Variants in DPP6 observed in about 807,000 individuals in gnomAD.
The protein encoded by DPP6 is dipeptidyl peptidase like 6.
A neutral mutation model predicts 122.6 loss-of-function variants in DPP6; 69 were observed. The ratio of observed to expected loss-of-function variants is 0.56; its 90% CI spans 0.46 to 0.69. The LOEUF (loss-of-function observed/expected upper bound fraction) is 0.69. DPP6 is among the 30% of genes least tolerant of loss of function. The pLI is 0.00. For synonymous variants in DPP6, 418 were observed against 433.1 expected (o/e 0.97, Z 0.43); for missense variants, 928 against 1,116.9 (o/e 0.83, Z 2.41).
intron 1 of DPP6, among the ~76,000 whole-genome samples, chr7:154,427,383 T>G (rs1185261709): frequency 2.6e-5 from 4 of 152,244 alleles, no homozygotes; most frequent in Non-Finnish European, 4.4e-5. Context: ...TGTATTCTCT[T>G]TATTCTGTAG....
intron 17 of DPP6, among the ~76,000 whole-genome samples, chr7:154,865,922 AG>A (rs1803835648): frequency 6.6e-6 from 1 of 152,226 alleles, no homozygotes. Context: ...ACCCAAAACT[AG>A]TGCATTTCGT....
chr7:154,873,874 G>A (rs73487826), intron 19 of DPP6, among the ~76,000 whole-genome samples: 2,215 of 120,086 alleles, frequency 0.018, 41 homozygotes, highest in African/African-American at 0.073. Context: ...ACACCCACAG[G>A]CACACACATG....
At chr7:154,458,227 A>G (rs1224372788) in intron 2 of DPP6, among the ~76,000 whole-genome samples, 3 of 152,132 alleles carry the variant, frequency 2.0e-5, no homozygotes, top group Admixed American at 6.5e-5. Context: ...TAATTGAATC[A>G]TGGGGGTGGG....
At chr7:154,434,705 ACT>A (rs1442954448) in intron 1 of DPP6, among the ~76,000 whole-genome samples, 2 of 151,692 alleles carry the variant, frequency 1.3e-5, no homozygotes, top group African/African-American at 4.9e-5. Context: ...TGAATTAATG[ACT>A]CTCTAGACAG....
chr7:154,219,773 G>A (rs749970010), intron 1 of DPP6, among the ~76,000 whole-genome samples: 9 of 152,058 alleles, frequency 5.9e-5, no homozygotes, highest in Non-Finnish European at 1.3e-4. Context: ...TTTTAGTAGA[G>A]ACATGGTTTC....
At chr7:153,793,558 G>A in the DPP6 span, among the ~76,000 whole-genome samples, 4 of 151,408 alleles carry the variant, frequency 2.6e-5, no homozygotes, top group Admixed American at 2.0e-4. Flanking sequence ...TTTGCAGCCC[G>A]ACAATGTGAT....
At chr7:154,267,651 C>T (rs1012435839) in intron 1 of DPP6, among the ~76,000 whole-genome samples, 1 of 150,298 alleles carries the variant, frequency 6.7e-6, no homozygotes, top group Non-Finnish European at 1.5e-5. Flanking sequence ...CACATATATG[C>T]ACACATACAT....
In DPP6 at chr7:154,329,964, C is replaced by A; in HGVS notation, c.244-116250C>A. Among the ~76,000 whole-genome samples the A allele has an allele frequency of 1.3e-5, 2 of 151,902 alleles. 1 individual carries two copies. The highest frequency in any genetic ancestry group is 4.2e-4 in the South Asian group (2 of 4,766). ...AACACTGCATGTTCTCACTCACAAGCGGGAGTTGAACAATGAGAACACATG... is the reference window on the plus strand; with the variant it reads ...AACACTGCATGTTCTCACTCACAAGAGGGAGTTGAACAATGAGAACACATG... On this transcript the variant is annotated intron_variant, in intron 1 of 25. Coordinates refer to ENST00000377770, the MANE Select transcript of DPP6 (RefSeq NM_130797.4).
At chr7:154,089,190 G>GT (rs1287073490) in intron 1 of DPP6, among the ~76,000 whole-genome samples, 1 of 152,104 alleles carries the variant, frequency 6.6e-6, no homozygotes, top group Non-Finnish European at 1.5e-5. Context: ...TAAAGAGAAG[G>GT]TTTTAGCTCA....
chr7:154,862,485 C>T (rs877471), intron 17 of DPP6, among the ~76,000 whole-genome samples: 14,535 of 152,314 alleles, frequency 0.095, 1,202 homozygotes, highest in East Asian at 0.47. Context: ...GGTGGGCAAG[C>T]TGGCATTTGG....
At chr7:154,102,204 A>C (rs1162532239) in intron 1 of DPP6, among the ~76,000 whole-genome samples, 4 of 151,458 alleles carry the variant, frequency 2.6e-5, no homozygotes, top group Non-Finnish European at 4.4e-5. Flanking sequence ...TTTTCTTTTG[A>C]GACAGAGTTC....
rs893990678 is a variant in DPP6 at position 154,883,520 on chromosome 7, A to G, written c.2134-2113A>G. ...CTCAGACACATGCTCACCCATACACATGCTCACACACGCTCACACATTCAC... is the reference window on the plus strand; with the variant it reads ...CTCAGACACATGCTCACCCATACACGTGCTCACACACGCTCACACATTCAC... On this transcript the variant is annotated intron_variant, in intron 21 of 25. Coordinates refer to ENST00000377770, the MANE Select transcript of DPP6 (RefSeq NM_130797.4). The G allele has an allele frequency of 1.6e-5, 2 of 127,528 alleles. 1 individual carries two copies. Among genetic ancestry groups the G allele is most frequent in the African/African-American group, 6.2e-5 (2 of 32,366 alleles). The allele number at this position is 127,528 out of a possible 1,614,324, so 7.9% of individuals were successfully genotyped here.
Position 154,892,645 on chromosome 7 carries a change from C to A in DPP6, c.*165C>A. 1.4e-6 allele frequency: 2 copies of A among 1,396,586 alleles called. No individual in the cohort carries two copies. The highest frequency in any genetic ancestry group is 2.0e-6 in the Non-Finnish European group (2 of 1,018,764). 86.5% of individuals were successfully genotyped at this position (1,396,586 alleles called of 1,614,324 possible). ...AAGGCAGTTTTGCTTGGGAAACAAGCTCCTTCCCCGGGGTCATCACTCACG... is the reference window on the plus strand; with the variant it reads ...AAGGCAGTTTTGCTTGGGAAACAAGATCCTTCCCCGGGGTCATCACTCACG... On this transcript the variant is annotated 3_prime_UTR_variant, in exon 26 of 26. Transcript: ENST00000377770.
At chr7:154,544,521 C>T (rs545309632) in intron 4 of DPP6, among the ~76,000 whole-genome samples, 156 of 152,228 alleles carry the variant, frequency 1.0e-3, no homozygotes, top group African/African-American at 1.3e-3. Flanking sequence ...TATGAATGAC[C>T]GCTCTAGAAT....
chr7:153,789,904 A>G, the DPP6 span, among the ~76,000 whole-genome samples: 96 of 152,264 alleles, frequency 6.3e-4, no homozygotes, highest in African/African-American at 2.0e-3. Context: ...ATCTTCTTCA[A>G]AGGTCAGCTG....
At chr7:154,391,685 A>G (rs192956448) in intron 1 of DPP6, among the ~76,000 whole-genome samples, 1 of 152,260 alleles carries the variant, frequency 6.6e-6, no homozygotes, top group East Asian at 1.9e-4. Context: ...CCTCTTGTTC[A>G]TCTTGGCTAT....
At chr7:154,228,576 C>A (rs1481287303) in intron 1 of DPP6, among the ~76,000 whole-genome samples, 1 of 152,128 alleles carries the variant, frequency 6.6e-6, no homozygotes, top group South Asian at 2.1e-4. Flanking sequence ...GAATCTATTT[C>A]TCTTCATTTT....
At chr7:154,355,062 G>A (rs1397918981) in intron 1 of DPP6, among the ~76,000 whole-genome samples, 2 of 152,138 alleles carry the variant, frequency 1.3e-5, no homozygotes, top group Admixed American at 1.3e-4. Flanking sequence ...TTACCATTCT[G>A]GTAGGATCCC....
the DPP6 span, among the ~76,000 whole-genome samples, chr7:153,854,397 A>G: frequency 7.3e-5 from 11 of 151,160 alleles, no homozygotes; most frequent in Non-Finnish European, 1.3e-4. Flanking sequence ...ACAAGAAAAA[A>G]ACAAACAACC....
Sources: gnomAD v4.1 joint callset for allele counts (sites outside exome capture counted in the v4.1 genomes callset) on GRCh38, gnomAD v4.1.1 for gene constraint, MANE v1.5 for transcripts, NCBI Gene and HGNC (gene_info 2026-07-23, HGNC 2026-07-21) for gene names.